Variants in UAP1 observed in about 807,000 individuals in gnomAD.
The protein encoded by UAP1 is UDP-N-acetylhexosamine pyrophosphorylase.
A neutral mutation model predicts 58.5 loss-of-function variants in UAP1; 25 were observed. That is an observed-to-expected ratio of 0.43 (90% CI 0.31 to 0.60). UAP1 has a LOEUF of 0.60. UAP1 is among the 20% of genes least tolerant of loss of function. The probability of loss-of-function intolerance (pLI) is 0.11; values close to 1 mark genes in which losing one functional copy is unlikely to be tolerated. For synonymous variants in UAP1, 208 were observed against 213.0 expected, an observed-to-expected ratio of 0.98 and a Z score of 0.21; for missense variants, 575 against 630.0, an observed-to-expected ratio of 0.91 and a Z score of 0.93.
intron 2 of UAP1, among the ~76,000 whole-genome samples, chr1:162,575,362 C>T (rs1654114623): frequency 6.6e-6 from 1 of 152,174 alleles, no homozygotes; most frequent in Non-Finnish European, 1.5e-5. Flanking sequence ...AGCCACTGTG[C>T]CCAGCCTACA....
intron 7 of UAP1, 81 bp from the exon 8 acceptor site, chr1:162,590,242 C>A: frequency 8.6e-7 from 1 of 1,166,962 alleles, no homozygotes; most frequent in Non-Finnish European, 1.2e-6. Flanking sequence ...TTGTTGAGAC[C>A]AAAGCCTTAG....
chr1:162,576,125 T>G (rs1654163831), intron 2 of UAP1, among the ~76,000 whole-genome samples: 1 of 152,208 alleles, frequency 6.6e-6, no homozygotes, highest in African/African-American at 2.4e-5. Context: ...AATCCTAACT[T>G]CAGAGCCTGA....
intron 10 of UAP1, among the ~76,000 whole-genome samples, chr1:162,598,408 A>G (rs1458394418): frequency 6.6e-6 from 1 of 152,192 alleles, no homozygotes; most frequent in African/African-American, 2.4e-5. Flanking sequence ...ATGGCTTTGC[A>G]TCTATCCCAT....
At chr1:162,576,378 CATT>C (rs1337762149) in intron 2 of UAP1, among the ~76,000 whole-genome samples, 1 of 152,110 alleles carries the variant, frequency 6.6e-6, no homozygotes, top group African/African-American at 2.4e-5. Context: ...TACCTCCTGA[CATT>C]ATCAGCAAAA....
intron 2 of UAP1, among the ~76,000 whole-genome samples, chr1:162,572,301 T>C (rs1455521506): frequency 6.6e-6 from 1 of 152,176 alleles, no homozygotes; most frequent in South Asian, 2.1e-4. Context: ...GTGAAACAAC[T>C]GGAGAGTAGG....
At chr1:162,597,632 C>G in intron 9 of UAP1, 160 bp from the exon 10 acceptor site, 1 of 564,292 alleles carries the variant, frequency 1.8e-6, no homozygotes. Context: ...TTAACTTAAT[C>G]CTCAGGGAAT....
At chr1:162,573,386 T>G (rs1653986976) in intron 2 of UAP1, among the ~76,000 whole-genome samples, 1 of 152,194 alleles carries the variant, frequency 6.6e-6, no homozygotes, top group Non-Finnish European at 1.5e-5. Context: ...GGCGAGACTC[T>G]TAACTTCTCT....
chr1:162,587,737 G>T, intron 6 of UAP1, 69 bp downstream of exon 6: 1 of 1,462,976 alleles, frequency 6.8e-7, no homozygotes, highest in Non-Finnish European at 9.4e-7. Context: ...ACTTGAGAGG[G>T]ATGCAGACAC....
chr1:162,568,077 T>C (rs1653631666), intron 2 of UAP1, among the ~76,000 whole-genome samples: 1 of 152,198 alleles, frequency 6.6e-6, no homozygotes, highest in African/African-American at 2.4e-5. Context: ...CGATTACAGG[T>C]ATGAGCCACC....
intron 5 of UAP1, among the ~76,000 whole-genome samples, chr1:162,582,988 T>G (rs1293756471): frequency 1.3e-5 from 2 of 152,030 alleles, no homozygotes; most frequent in African/African-American, 2.4e-5. Flanking sequence ...CTGTATTTTT[T>G]TTTTTTTTAG....
At chr1:162,592,739 A>C in exon 9 of UAP1, 1 of 1,549,562 alleles carries the variant, frequency 6.5e-7, no homozygotes, top group African/African-American at 1.4e-5. Flanking sequence ...TAGCAGTGCT[A>C]CAAATGGGAA....
At chr1:162,565,975 G>T in intron 1 of UAP1, 37 bp from the exon 2 acceptor site, 1 of 1,363,558 alleles carries the variant, frequency 7.3e-7, no homozygotes, top group Non-Finnish European at 1.0e-6. Context: ...TTTGGAGGTT[G>T]GATTTTGACA....
At chr1:162,570,337 T>C (rs1653787331) in intron 2 of UAP1, among the ~76,000 whole-genome samples, 1 of 152,272 alleles carries the variant, frequency 6.6e-6, no homozygotes, top group East Asian at 1.9e-4. Flanking sequence ...GCACAAGAAT[T>C]TATCATGAAA....
intron 9 of UAP1, chr1:162,597,520 G>A (rs1655682198): frequency 5.3e-6 from 2 of 377,346 alleles, no homozygotes; most frequent in African/African-American, 4.2e-5. Flanking sequence ...TGAGATGTAT[G>A]TAAGGGGACA....
At chr1:162,600,990 T>A (rs1376993467), downstream of UAP1, among the ~76,000 whole-genome samples, 1 of 152,154 alleles carries the variant, frequency 6.6e-6, no homozygotes, top group Non-Finnish European at 1.5e-5. Flanking sequence ...TGTAAGAAAA[T>A]ACTAGTGATG....
At chr1:162,592,931 C>G (rs1449659574) in intron 9 of UAP1, 149 bp downstream of exon 9, 1 of 660,122 alleles carries the variant, frequency 1.5e-6, no homozygotes, top group Non-Finnish European at 2.7e-6. Flanking sequence ...TACTTGGTGG[C>G]AGGTATCTCT....
intron 1 of UAP1, among the ~76,000 whole-genome samples, chr1:162,565,658 G>A (rs1653443778): frequency 1.3e-5 from 2 of 152,172 alleles, no homozygotes; most frequent in Admixed American, 6.5e-5. Context: ...ACTAAGTGTG[G>A]TAGAGAGTGT....
intron 4 of UAP1, among the ~76,000 whole-genome samples, chr1:162,579,973 T>A (rs1047983351): frequency 6.6e-6 from 1 of 152,214 alleles, no homozygotes. Context: ...CAAGTGATTC[T>A]CCTGCCTCAG....
chr1:162,583,463 T>C (rs1347843697), intron 5 of UAP1, among the ~76,000 whole-genome samples: 2 of 151,960 alleles, frequency 1.3e-5, no homozygotes, highest in Non-Finnish European at 2.9e-5. Context: ...GGTGTCACTC[T>C]TTTTTCCTAA....
Sources: gnomAD v4.1 joint callset for allele counts (sites outside exome capture counted in the v4.1 genomes callset) on GRCh38, gnomAD v4.1.1 for gene constraint, MANE v1.5 for transcripts, NCBI Gene and HGNC (gene_info 2026-07-23, HGNC 2026-07-21) for gene names.